PHLPP1: variants seen among roughly 807,000 people sequenced by gnomAD.
PHLPP1 encodes PH domain leucine-rich repeat-containing protein phosphatase 1.
In PHLPP1, 42 loss-of-function variants were observed where a neutral mutation model predicts 117.2. That is an observed-to-expected ratio of 0.36 (90% CI 0.28 to 0.46). The LOEUF is 0.46. Among genes scored for constraint, PHLPP1 ranks in the 20% least tolerant of loss-of-function variants. The pLI, the probability that PHLPP1 is intolerant of heterozygous loss-of-function variation, is 1.00. For missense variants in PHLPP1, 2,084 were observed against 2,241.9 expected (o/e 0.93, Z 1.42); for synonymous variants, 1,042 against 970.7 (o/e 1.07, Z -1.37).
chr18:62,943,590 A>G (rs1471861232), intron 11 of PHLPP1, among the ~76,000 whole-genome samples: 1 of 152,196 alleles, frequency 6.6e-6, no homozygotes, highest in African/African-American at 2.4e-5. Flanking sequence ...AAGGGGAGCC[A>G]TTGTGTCACA....
chr18:62,896,073 G>T, intron 6 of PHLPP1, 62 bp downstream of exon 6: 1 of 1,009,950 alleles, frequency 9.9e-7, no homozygotes. Context: ...GGGGTGGGGA[G>T]TAGGTTATTA....
At position 62,746,040 on chromosome 18, in the gene PHLPP1, A is replaced by G. The variant is rs369410407; in HGVS notation, c.1576+28781A>G. ...TATATAAGTGGAGGAAGATGGAAGA[A>G]AAACTAATTTTTTTTTTTTTGAGAC... On this transcript the variant is annotated intron_variant, in intron 1 of 16. Transcript: ENST00000262719. Among the ~76,000 whole-genome samples, 38 of 152,278 alleles carry G rather than the reference A, an allele frequency of 2.5e-4. No individual in the cohort carries two copies. In the South Asian group the frequency reaches 7.5e-3, roughly 30 times the overall value.
chr18:62,928,289 A>G (rs1205993506), intron 10 of PHLPP1, among the ~76,000 whole-genome samples: 1 of 152,138 alleles, frequency 6.6e-6, no homozygotes, highest in African/African-American at 2.4e-5. Context: ...TCTGATAGGG[A>G]ACTTGAAAGA....
At chr18:62,863,722 G>A (rs113073642) in intron 4 of PHLPP1, among the ~76,000 whole-genome samples, 1 of 152,292 alleles carries the variant, frequency 6.6e-6, no homozygotes, top group African/African-American at 2.4e-5. Flanking sequence ...ACAATGAGCC[G>A]TGAGACAGCC....
chr18:62,884,034 A>G (rs1916227162), intron 4 of PHLPP1, among the ~76,000 whole-genome samples: 1 of 152,250 alleles, frequency 6.6e-6, no homozygotes, highest in Admixed American at 6.5e-5. Context: ...TTGTAACAGC[A>G]GAAAAACTGA....
chr18:62,895,838 G>A lies in PHLPP1; in HGVS notation c.2271G>A (p.Glu757=). Residue 757 remains glutamate, a synonymous_variant, in exon 6 of 17, where the codon GAG becomes GAA. Coordinates refer to ENST00000262719, the MANE Select transcript of PHLPP1 (RefSeq NM_194449.4). ...TCCAATCCCTTCCTGCTGAGTTGGA[G>A]AACATGAAGCAGCTTAGTTATCTGG... The part of the protein sequence containing the change: ...NFLQSLPAEL[E]NMKQLSYLGL... 2 of 1,613,716 alleles carry A rather than the reference G, an allele frequency of 1.2e-6. No homozygotes were observed. The highest frequency in any genetic ancestry group is 1.7e-6 in the Non-Finnish European group (2 of 1,179,602).
intron 1 of PHLPP1, among the ~76,000 whole-genome samples, chr18:62,785,491 T>C (rs966513521): frequency 1.3e-5 from 2 of 152,198 alleles, no homozygotes; most frequent in East Asian, 1.9e-4. Flanking sequence ...TTGGGCAAGA[T>C]TGATCTACCT....
At chr18:62,787,265 T>C (rs148117255) in intron 1 of PHLPP1, among the ~76,000 whole-genome samples, 54 of 152,258 alleles carry the variant, frequency 3.5e-4, no homozygotes, top group African/African-American at 9.9e-4. Flanking sequence ...CCACCTCCTG[T>C]AAATGATTCT....
intron 1 of PHLPP1, among the ~76,000 whole-genome samples, chr18:62,804,211 AACTC>A (rs1310999841): frequency 1.3e-5 from 2 of 152,092 alleles, no homozygotes; most frequent in Non-Finnish European, 2.9e-5. Context: ...ATCTCATGAG[AACTC>A]ACTCACCATC....
At chr18:62,943,672 A>G (rs1447816700) in intron 11 of PHLPP1, among the ~76,000 whole-genome samples, 1 of 152,144 alleles carries the variant, frequency 6.6e-6, no homozygotes, top group African/African-American at 2.4e-5. Flanking sequence ...TCTGATTACC[A>G]TGGGAAGGGC....
Position 62,958,798 on chromosome 18 carries a change from C to T in PHLPP1, c.3455+39C>T, listed in dbSNP as rs750946459. 6.7e-5 allele frequency: 107 copies of T among 1,604,620 alleles called. 1 individual carries two copies. Among genetic ancestry groups the T allele is most frequent in the Non-Finnish European group, 9.0e-5 (105 of 1,172,698 alleles). On this transcript the variant is annotated intron_variant, in intron 13 of 16. Coordinates refer to ENST00000262719, the MANE Select transcript of PHLPP1 (RefSeq NM_194449.4). ...AAAGCACTGTATCCCCATCATTGTC[C>T]ACTGGCAATGGGATTCATATCTTAG...
At chr18:62,793,654 T>C (rs1913531345) in intron 1 of PHLPP1, among the ~76,000 whole-genome samples, 1 of 152,224 alleles carries the variant, frequency 6.6e-6, no homozygotes, top group African/African-American at 2.4e-5. Context: ...ATAAATGATT[T>C]AAGTGCTAGT....
At chr18:62,887,355 C>T (rs1916310191) in intron 4 of PHLPP1, among the ~76,000 whole-genome samples, 1 of 151,836 alleles carries the variant, frequency 6.6e-6, no homozygotes, top group Admixed American at 6.6e-5. Flanking sequence ...TTTTCAGTAG[C>T]ACATGAGAAA....
At chr18:62,792,622 G>A (rs1913495280) in intron 1 of PHLPP1, among the ~76,000 whole-genome samples, 1 of 152,110 alleles carries the variant, frequency 6.6e-6, no homozygotes, top group Non-Finnish European at 1.5e-5. Context: ...TGTAATCCCA[G>A]CACTTTAGGA....
intron 9 of PHLPP1, among the ~76,000 whole-genome samples, chr18:62,918,820 T>C (rs1909376276): frequency 6.6e-6 from 1 of 151,056 alleles, no homozygotes. Flanking sequence ...TTCTTGAAAA[T>C]AGCTAAGGGA....
At chr18:62,916,957 T>A (rs1909301336) in intron 9 of PHLPP1, among the ~76,000 whole-genome samples, 1 of 150,350 alleles carries the variant, frequency 6.7e-6, no homozygotes, top group African/African-American at 2.4e-5. Flanking sequence ...TTTCACTATG[T>A]TGACCAGGCT....
chr18:62,895,076 G>C lies in PHLPP1; in HGVS notation c.2132G>C (p.Cys711Ser), dbSNP rs747311419. Residue 711 changes from cysteine (C) to serine (S), a missense_variant, in exon 5 of 17, where the codon TGC (cysteine) becomes TCC (serine). Physicochemically the swap from Cys to Ser is moderately radical, Grantham distance 112. Transcript: ENST00000262719. Reference sequence around the variant, plus strand: ...TTAGGGGACTTCCCACTGGCAGTCTGCAGTATTCCAACCCTGGCAGAGCTG... The same window carrying C: ...TTAGGGGACTTCCCACTGGCAGTCTCCAGTATTCCAACCCTGGCAGAGCTG... ...NHLGDFPLAVCSIPTLAELNV... is the reference protein window; with the variant it reads ...NHLGDFPLAVSSIPTLAELNV... The C allele has an allele frequency of 6.2e-7, 1 of 1,613,684 alleles. No homozygotes were observed. Among genetic ancestry groups the C allele is most frequent in the South Asian group, 1.1e-5 (1 of 91,066 alleles).
rs562198160 is a variant in PHLPP1, at chr18:62,800,154, T to C, written c.1577-29881T>C. Among the ~76,000 whole-genome samples the C allele has an allele frequency of 3.3e-5, 5 of 152,200 alleles. No individual in the cohort carries two copies. In the East Asian group the frequency reaches 9.7e-4, roughly 29 times the overall value. ...CCTAATAGGGAGGGTGTCCGGAGAA[T>C]AGATACCCTTGACCACACTCTCTTC... On this transcript the variant is annotated intron_variant, in intron 1 of 16. Coordinates refer to ENST00000262719, the MANE Select transcript of PHLPP1 (RefSeq NM_194449.4).
At chr18:62,839,617 G>T (rs71352602) in intron 3 of PHLPP1, 1 of 151,170 alleles carries the variant, frequency 6.6e-6, no homozygotes, top group Non-Finnish European at 1.5e-5. Flanking sequence ...TACTTGGGAG[G>T]CTGAGGCACG....
Sources: allele counts gnomAD v4.1 joint callset (sites outside exome capture counted in the v4.1 genomes callset), GRCh38; gene constraint gnomAD v4.1.1; transcripts MANE v1.5; gene names NCBI Gene and HGNC (gene_info 2026-07-23, HGNC 2026-07-21).